The following ARHGAP39 variants were observed in gnomAD, a reference collection of about 807,000 sequenced individuals.
ARHGAP39 encodes the protein Rho GTPase activating protein 39, also known as rho GTPase-activating protein 39.
ARHGAP39 carries 44 observed loss-of-function variants against 106.9 expected under a neutral mutation model. The observed-to-expected ratio is 0.41, with a 90% CI of 0.32 to 0.53. ARHGAP39 has a LOEUF of 0.53. Among genes scored for constraint, ARHGAP39 ranks in the 20% least tolerant of loss-of-function variants. The pLI is 0.21. For missense variants in ARHGAP39, 1,496 were observed against 1,577.3 expected, an observed-to-expected ratio of 0.95 and a Z score of 0.87; for synonymous variants, 768 against 693.2, an observed-to-expected ratio of 1.11 and a Z score of -1.69.
Position 144,585,957 on chromosome 8 carries a change from T to A in ARHGAP39, c.81-4680A>T, listed in dbSNP as rs541414711. On this transcript the variant is annotated intron_variant, in intron 2 of 11. Transcript: ENST00000377307. This position sits in a 1 kb window ranked among gnomAD's most constrained non-coding sequence, Gnocchi z 4.6. Reference sequence around the variant, plus strand: ...GGCTCAGCCAGGCTCTCCACTCTTGTTACCTGACCCCCGTGACTCAGGGTA... The same window carrying A: ...GGCTCAGCCAGGCTCTCCACTCTTGATACCTGACCCCCGTGACTCAGGGTA... 6.6e-6 allele frequency among the ~76,000 whole-genome samples: 1 copy of A among 152,282 alleles called. No individual in the cohort carries two copies. Among genetic ancestry groups the A allele is most frequent in the East Asian group, 1.9e-4 (1 of 5,170 alleles).
At chr8:144,562,750 G>A (rs1818246202) in intron 3 of ARHGAP39, among the ~76,000 whole-genome samples, 2 of 146,076 alleles carry the variant, frequency 1.4e-5, no homozygotes, top group Admixed American at 1.3e-4. Context: ...GCACCCCAGT[G>A]GTTTCCATTG....
Position 144,684,684 on chromosome 8 carries a change from C to T in ARHGAP39, c.-82+1002G>A, listed in dbSNP as rs565189878. 2.0e-5 allele frequency among the ~76,000 whole-genome samples: 3 copies of T among 152,352 alleles called. No individual in the cohort carries two copies. In the South Asian group the frequency reaches 6.2e-4, roughly 32 times the overall value. ...AAAATGCACAGCCCGCCTCTCTCGC[C>T]GCCCTGGGCACGGAACGCCGCCTCC... On this transcript the variant is annotated intron_variant, in intron 1 of 11. Transcript: ENST00000377307. The surrounding 1 kb of genome is among the most constrained non-coding windows in gnomAD (Gnocchi z 4.4).
chr8:144,565,025 G>A (rs1417641262), intron 3 of ARHGAP39, among the ~76,000 whole-genome samples: 1 of 151,934 alleles, frequency 6.6e-6, no homozygotes. Flanking sequence ...CAGGAGACTC[G>A]CTTGAACCCG....
intron 3 of ARHGAP39, among the ~76,000 whole-genome samples, chr8:144,571,719 A>G (rs895692679): frequency 6.6e-6 from 1 of 152,274 alleles, no homozygotes; most frequent in Non-Finnish European, 1.5e-5. Flanking sequence ...TGCAGATGAC[A>G]TGATTGTATA....
chr8:144,602,310 T>C (rs1820034354), intron 2 of ARHGAP39, among the ~76,000 whole-genome samples: 1 of 136,722 alleles, frequency 7.3e-6, no homozygotes, highest in African/African-American at 2.8e-5. Flanking sequence ...TACCTGTGTG[T>C]GTGCATGGAG....
Position 144,545,574 on chromosome 8 carries a change from G to C in ARHGAP39, c.2196C>G (p.Ile732Met), listed in dbSNP as rs200874341. 1 of 1,613,630 alleles carries C rather than the reference G, an allele frequency of 6.2e-7. No individual in the cohort carries two copies. The change falls in exon 6 of 12, where the codon ATC (isoleucine) becomes ATG (methionine). Residue 732 changes from isoleucine to methionine, a missense_variant. Coordinates refer to ENST00000377307, the MANE Select transcript of ARHGAP39 (RefSeq NM_025251.3). ...WSSESIKKPM[I>M]VTSDRHVKKE... Reference sequence around the variant, plus strand: ...TCTTCACGTGCCGGTCGCTTGTCACGATCATGGGCTTCTTGATGGACTCGC... The same window carrying C: ...TCTTCACGTGCCGGTCGCTTGTCACCATCATGGGCTTCTTGATGGACTCGC...
Position 144,591,962 on chromosome 8 carries a change from C to T in ARHGAP39, c.81-10685G>A, listed in dbSNP as rs1278482264. The stretch of plus-strand genomic sequence containing the variant: ...AGTGGTGCCTGATCTCCTGTTCTCG[C>T]GTCACTTCTGTTAGATTTTAGCAGA... On this transcript the variant is annotated intron_variant, in intron 2 of 11. Transcript: ENST00000377307. The surrounding 1 kb of genome is among the most constrained non-coding windows in gnomAD (Gnocchi z 5.3). 6.6e-6 allele frequency among the ~76,000 whole-genome samples: 1 copy of T among 152,124 alleles called. No homozygotes were observed. Among genetic ancestry groups the T allele is most frequent in the Non-Finnish European group, 1.5e-5 (1 of 68,014 alleles).
At chr8:144,652,996 T>G (rs1821610318) in intron 1 of ARHGAP39, among the ~76,000 whole-genome samples, 1 of 151,868 alleles carries the variant, frequency 6.6e-6, no homozygotes, top group South Asian at 2.1e-4. Context: ...CAGCCAAGGT[T>G]GAAAATTATT....
At position 144,679,260 on chromosome 8, in the gene ARHGAP39, G is replaced by A. The variant is rs1196400862; in HGVS notation, c.-82+6426C>T. 6.6e-6 allele frequency among the ~76,000 whole-genome samples: 1 copy of A among 152,228 alleles called. No homozygotes were observed. Among genetic ancestry groups the A allele is most frequent in the Non-Finnish European group, 1.5e-5 (1 of 68,040 alleles). On this transcript the variant is annotated intron_variant, in intron 1 of 11. Transcript: ENST00000377307. The surrounding 1 kb of genome is among the most constrained non-coding windows in gnomAD (Gnocchi z 4.7). ...GGGCTCCTCAGCTCTGCTCAGCACA[G>A]CGTCCGAGCAGGGGCTCACCTTCCC... is the stretch of plus-strand genomic sequence containing the variant.
intron 1 of ARHGAP39, among the ~76,000 whole-genome samples, chr8:144,674,670 C>A (rs1052784892): frequency 2.6e-5 from 4 of 152,228 alleles, no homozygotes; most frequent in Admixed American, 6.5e-5. Flanking sequence ...TACCATCAAC[C>A]TGCCGTCCAT....
At chr8:144,546,063 A>G (rs1234334314) in intron 5 of ARHGAP39, among the ~76,000 whole-genome samples, 1 of 152,198 alleles carries the variant, frequency 6.6e-6, no homozygotes, top group African/African-American at 2.4e-5. Flanking sequence ...TGGGTGACCC[A>G]GGTGACCTGG....
chr8:144,589,810 C>T (rs1041393241), intron 2 of ARHGAP39, among the ~76,000 whole-genome samples: 6 of 152,204 alleles, frequency 3.9e-5, no homozygotes, highest in African/African-American at 1.2e-4. Flanking sequence ...ACAGCCCAGG[C>T]GCCTGTGAGG....
At chr8:144,669,496 G>A (rs1290956347) in intron 1 of ARHGAP39, among the ~76,000 whole-genome samples, 1 of 73,446 alleles carries the variant, frequency 1.4e-5, no homozygotes, top group African/African-American at 7.1e-5. Context: ...GATAGGGCGA[G>A]ACTCGGTCTC....
At chr8:144,639,510 T>C (rs1821257951) in intron 1 of ARHGAP39, among the ~76,000 whole-genome samples, 1 of 152,140 alleles carries the variant, frequency 6.6e-6, no homozygotes, top group African/African-American at 2.4e-5. Context: ...TCAACATTTC[T>C]TGGTAGAGCA....
At chr8:144,545,102 G>GC in intron 6 of ARHGAP39, 147 bp downstream of exon 6, 1 of 697,130 alleles carries the variant, frequency 1.4e-6, no homozygotes, top group East Asian at 3.1e-5. Context: ...CAGAGGCCCA[G>GC]AGTGTGGGGC....
At chr8:144,611,837 G>A (rs1035309037) in intron 1 of ARHGAP39, among the ~76,000 whole-genome samples, 4 of 152,040 alleles carry the variant, frequency 2.6e-5, no homozygotes, top group East Asian at 1.9e-4. Flanking sequence ...GCAACATAGC[G>A]AGACCCTGTC....
intron 7 of ARHGAP39, among the ~76,000 whole-genome samples, 190 bp downstream of exon 7, chr8:144,537,531 A>G (rs1346959040): frequency 6.6e-6 from 1 of 152,190 alleles, no homozygotes; most frequent in African/African-American, 2.4e-5. Flanking sequence ...ACGTGTGGAC[A>G]GGCTTGACCG....
chr8:144,605,604 G>A lies in ARHGAP39; in HGVS notation c.11C>T (p.Thr4Met), dbSNP rs150289481. Reference sequence around the variant, plus strand: ...ATGGCTCCTGCACTCGTAGTCCTGCGTCTGGGACATCGCTGTTTGCTTCCG... The same window carrying A: ...ATGGCTCCTGCACTCGTAGTCCTGCATCTGGGACATCGCTGTTTGCTTCCG... Reference protein sequence around the residue: MSQTQDYECRSHNV... With the variant: MSQMQDYECRSHNV... Residue 4 changes from threonine to methionine, a missense_variant, in exon 2 of 12, where the codon ACG becomes ATG. Physicochemically the swap from Thr to Met is moderately conservative, Grantham distance 81 (BLOSUM62 -1). Transcript: ENST00000377307. The A allele has an allele frequency of 1.2e-4, 192 of 1,613,284 alleles. No individual in the cohort carries two copies. Among genetic ancestry groups the A allele is most frequent in the African/African-American group, 1.6e-4 (12 of 74,938 alleles).
chr8:144,669,468 C>T (rs1168350362), intron 1 of ARHGAP39, among the ~76,000 whole-genome samples: 10 of 125,542 alleles, frequency 8.0e-5, no homozygotes, highest in Non-Finnish European at 1.6e-5. Context: ...GATCACACCA[C>T]TGCACTCCAG....
Sources: allele counts gnomAD v4.1 joint callset (sites outside exome capture counted in the v4.1 genomes callset), GRCh38; gene constraint gnomAD v4.1.1; non-coding constraint Gnocchi (gnomAD v3.1); transcripts MANE v1.5; gene names NCBI Gene and HGNC (gene_info 2026-07-23, HGNC 2026-07-21).